The following CR1L variants were observed in gnomAD, a reference collection of about 807,000 sequenced individuals.
The protein encoded by CR1L is complement C3b/C4b receptor 1 like, also known as complement component receptor 1-like protein.
A neutral mutation model predicts 62.3 loss-of-function variants in CR1L; 59 were observed. The observed-to-expected ratio is 0.95, with a 90% confidence interval of 0.77 to 1.18. The LOEUF (loss-of-function observed/expected upper bound fraction) is 1.18, where lower values mean the gene tolerates loss of function less well. Ranked by LOEUF, CR1L falls within the 50% of genes most tolerant of loss-of-function variation. CR1L has a pLI of 0.00. For synonymous variants in CR1L, 279 were observed against 248.7 expected (o/e 1.12, Z -1.15); for missense variants, 700 against 702.8 (o/e 1.00, Z 0.04).
intron 1 of CR1L, among the ~76,000 whole-genome samples, chr1:207,661,926 A>C (rs546852206): frequency 1.1e-4 from 17 of 152,268 alleles, no homozygotes; most frequent in South Asian, 8.3e-4. Flanking sequence ...GCTGGATATG[A>C]AATTCTGGGT....
chr1:207,712,797 C>T (rs139304558), intron 10 of CR1L, among the ~76,000 whole-genome samples: 561 of 152,296 alleles, frequency 3.7e-3, no homozygotes, highest in African/African-American at 0.013. Flanking sequence ...GGCCAACTCC[C>T]TCATGGCCGT....
chr1:207,710,314 G>T lies in CR1L; in HGVS notation c.1414+2051G>T, dbSNP rs150826900. On this transcript the variant is annotated intron_variant, in intron 10 of 11. Coordinates refer to ENST00000508064, the MANE Select transcript of CR1L (RefSeq NM_175710.2). The stretch of plus-strand genomic sequence containing the variant: ...GCCATGATCGTGCCACTGCACTCCA[G>T]CCTGGGCGACAGAGCAAGACTCTGT... 799 of 984,682 alleles carry T rather than the reference G, an allele frequency of 8.1e-4. 5 individuals carry two copies. In the African/African-American group the frequency reaches 0.011, roughly 14 times the overall value. 61.0% of individuals were successfully genotyped at this position (984,682 alleles called of 1,614,324 possible).
At chr1:207,701,264 T>C (rs1406909939) in intron 8 of CR1L, among the ~76,000 whole-genome samples, 1 of 152,156 alleles carries the variant, frequency 6.6e-6, no homozygotes, top group African/African-American at 2.4e-5. Context: ...CTTTACATTT[T>C]GATAAGGGAT....
intron 4 of CR1L, among the ~76,000 whole-genome samples, chr1:207,690,150 T>G (rs1391698421): frequency 6.6e-6 from 1 of 152,146 alleles, no homozygotes; most frequent in Non-Finnish European, 1.5e-5. Context: ...TTAAGCTTTG[T>G]GTACTCCTCC....
intron 10 of CR1L, among the ~76,000 whole-genome samples, chr1:207,713,832 G>A (rs756472289): frequency 2.0e-5 from 3 of 152,212 alleles, no homozygotes; most frequent in African/African-American, 2.4e-5. Flanking sequence ...AACAGATGGC[G>A]GTGTGTTAAC....
At chr1:207,679,295 G>T (rs971586814) in intron 3 of CR1L, among the ~76,000 whole-genome samples, 2 of 150,690 alleles carry the variant, frequency 1.3e-5, no homozygotes, top group African/African-American at 4.9e-5. Context: ...ATGAGCCACC[G>T]CACCCAGCCC....
At chr1:207,654,552 C>T (rs541505492) in intron 1 of CR1L, among the ~76,000 whole-genome samples, 1 of 152,266 alleles carries the variant, frequency 6.6e-6, no homozygotes, top group South Asian at 2.1e-4. Context: ...GGGAAGATTT[C>T]ACTGAGTATA....
chr1:207,684,170 C>A (rs910147063), intron 4 of CR1L: 6 of 390,168 alleles, frequency 1.5e-5, no homozygotes, highest in East Asian at 4.2e-5. Context: ...ATTCTAGGGG[C>A]CTAAATACGT....
At chr1:207,716,022 C>T (rs1459357911) in intron 10 of CR1L, among the ~76,000 whole-genome samples, 6 of 152,132 alleles carry the variant, frequency 3.9e-5, no homozygotes, top group African/African-American at 7.2e-5. Context: ...TATCCCCTCA[C>T]GTATCATAAA....
chr1:207,690,489 TAC>T (rs1663980329), intron 4 of CR1L, among the ~76,000 whole-genome samples: 1 of 152,222 alleles, frequency 6.6e-6, no homozygotes. Flanking sequence ...GAAAAGACTG[TAC>T]AGTTATTTTG....
intron 4 of CR1L, among the ~76,000 whole-genome samples, chr1:207,692,473 C>T (rs942831613): frequency 6.6e-6 from 1 of 152,186 alleles, no homozygotes; most frequent in African/African-American, 2.4e-5. Context: ...CTGGTGACCA[C>T]CTCTCCATGG....
chr1:207,706,256 C>A (rs917382978), intron 9 of CR1L, among the ~76,000 whole-genome samples: 10 of 151,436 alleles, frequency 6.6e-5, no homozygotes, highest in Non-Finnish European at 1.2e-4. Flanking sequence ...CCCATCTCTA[C>A]AAAAAAGTAT....
At chr1:207,653,491 C>T (rs1663260763) in intron 1 of CR1L, among the ~76,000 whole-genome samples, 1 of 152,210 alleles carries the variant, frequency 6.6e-6, no homozygotes, top group Admixed American at 6.5e-5. Flanking sequence ...AATCTGCAAA[C>T]TCTTAGAGTT....
In CR1L at chr1:207,694,555, T is replaced by C. The variant is rs1664043192; in HGVS notation, c.666T>C (p.Pro222=). ...TGGGCATCTGGAGTGGCCCAGCCCC[T>C]CAGTGCATTATACCTAACAAATGCA... ...DQVGIWSGPA[P]QCIIPNKCTP... is the part of the protein sequence containing the mutation. The change falls in exon 5 of 12, where the codon CCT becomes CCC. Residue 222 remains proline (P), a synonymous_variant. Coordinates refer to ENST00000508064, the MANE Select transcript of CR1L (RefSeq NM_175710.2). 1 of 1,612,426 alleles carries C rather than the reference T, an allele frequency of 6.2e-7. No individual in the cohort carries two copies. Among genetic ancestry groups the C allele is most frequent in the Admixed American group, 1.7e-5 (1 of 60,006 alleles).
intron 10 of CR1L, chr1:207,710,707 C>A: frequency 1.2e-6 from 2 of 1,609,974 alleles, no homozygotes; most frequent in Non-Finnish European, 1.7e-6. Flanking sequence ...CTGGCTTTGT[C>A]ATGAAAGGAC....
chr1:207,706,268 A>G (rs1258070249), intron 9 of CR1L, among the ~76,000 whole-genome samples: 1 of 151,704 alleles, frequency 6.6e-6, no homozygotes, highest in Non-Finnish European at 1.5e-5. Context: ...AAAAAGTATA[A>G]AAATTAGCTG....
At chr1:207,657,451 A>T in intron 1 of CR1L, 2 of 547,654 alleles carry the variant, frequency 3.7e-6, no homozygotes, top group Admixed American at 3.3e-5. Context: ...TTATTTTAAT[A>T]CAGGTCAATT....
intron 1 of CR1L, chr1:207,669,378 C>T (rs1663573825): frequency 1.9e-6 from 2 of 1,045,690 alleles, no homozygotes; most frequent in Non-Finnish European, 2.9e-6. Flanking sequence ...CCTCTTTGCA[C>T]TGCGCTTTTC....
chr1:207,674,168 G>A (rs779261446), intron 1 of CR1L, among the ~76,000 whole-genome samples: 3 of 152,166 alleles, frequency 2.0e-5, no homozygotes, highest in Non-Finnish European at 4.4e-5. Flanking sequence ...AAAACAGGTC[G>A]AAGGTTGCCT....
Sources: gnomAD v4.1 joint callset for allele counts (sites outside exome capture counted in the v4.1 genomes callset) on GRCh38, gnomAD v4.1.1 for gene constraint, MANE v1.5 for transcripts, NCBI Gene and HGNC (gene_info 2026-07-23, HGNC 2026-07-21) for gene names.